EDA: variants seen among roughly 807,000 people sequenced by gnomAD.
EDA encodes ectodysplasin-A.
A neutral mutation model predicts 23.6 loss-of-function variants in EDA; 2 were observed. The observed-to-expected ratio is 0.08, with a 90% CI of 0.03 to 0.27. The LOEUF is 0.27. EDA is among the 10% of genes least tolerant of loss of function. The pLI is 1.00. For missense variants in EDA, 229 were observed against 324.2 expected, an observed-to-expected ratio of 0.71 and a Z score of 2.26; for synonymous variants, 131 against 132.0, an observed-to-expected ratio of 0.99 and a Z score of 0.05.
chrX:69,844,691 A>G (rs892216131), intron 1 of EDA, among the ~76,000 whole-genome samples: 2 of 112,672 alleles, frequency 1.8e-5, no homozygotes, highest in Middle Eastern at 9.1e-3. Flanking sequence ...TTCTCTCTGC[A>G]GACATTTGTT....
chrX:69,701,672 G>A (rs1480251924), intron 1 of EDA, among the ~76,000 whole-genome samples: 5 of 111,566 alleles, frequency 4.5e-5, no homozygotes, highest in African/African-American at 6.5e-5. Context: ...GGGCTGGCTG[G>A]GTCTAGGTTG....
intron 1 of EDA, among the ~76,000 whole-genome samples, chrX:69,926,622 A>T (rs752366237): frequency 8.9e-6 from 1 of 112,169 alleles, no homozygotes; most frequent in African/African-American, 3.2e-5. Flanking sequence ...ACTGAGAAGA[A>T]TGTATATTTT....
chrX:69,715,130 T>C (rs2012274182), intron 1 of EDA, among the ~76,000 whole-genome samples: 1 of 106,968 alleles, frequency 9.3e-6, no homozygotes, highest in Non-Finnish European at 1.9e-5. Flanking sequence ...TGTGCAGGTT[T>C]GTTATACAGG....
At chrX:69,873,654 T>C (rs1401442281) in intron 1 of EDA, among the ~76,000 whole-genome samples, 1 of 111,991 alleles carries the variant, frequency 8.9e-6, no homozygotes, top group Non-Finnish European at 1.9e-5. Context: ...AGGAGATGGA[T>C]AAATTCTAAG....
chrX:69,860,227 T>C (rs1156785342), intron 1 of EDA, among the ~76,000 whole-genome samples: 1 of 111,463 alleles, frequency 9.0e-6, no homozygotes, highest in Non-Finnish European at 1.9e-5. Flanking sequence ...CTCATTTACA[T>C]TTAAGATTAG....
At chrX:69,952,683 CT>C (rs759054237) in intron 1 of EDA, among the ~76,000 whole-genome samples, 1 of 112,334 alleles carries the variant, frequency 8.9e-6, no homozygotes, top group East Asian at 2.8e-4. Context: ...TTGAACTACT[CT>C]TACTACTCAT....
intron 1 of EDA, among the ~76,000 whole-genome samples, chrX:69,740,060 C>G (rs2013402867): frequency 9.0e-6 from 1 of 111,081 alleles, no homozygotes; most frequent in Non-Finnish European, 1.9e-5. Flanking sequence ...ACAGCTTGTT[C>G]TCACCCACCT....
intron 2 of EDA, among the ~76,000 whole-genome samples, chrX:69,960,206 A>G (rs1278495384): frequency 9.0e-6 from 1 of 111,414 alleles, no homozygotes; most frequent in Non-Finnish European, 1.9e-5. Context: ...CAGGCAAGAG[A>G]TGATGGTGGC....
rs184584192 is a variant in EDA at position 69,959,034 on chromosome X, T to C, written c.502+1902T>C. ...CTCCGAAGTTTTCTCTTAAAGAAAA[T>C]AATTTCCTCCTTTCCCTAAAACTAC... On this transcript the variant is annotated intron_variant, in intron 2 of 7. Coordinates refer to ENST00000374552, the MANE Select transcript of EDA (RefSeq NM_001399.5). 1.1e-4 allele frequency among the ~76,000 whole-genome samples: 12 copies of C among 111,819 alleles called. No individual in the cohort carries two copies. The East Asian group carries it at 3.4e-3, about 32-fold the overall frequency.
chrX:69,918,422 G>T (rs1251227493), intron 1 of EDA, among the ~76,000 whole-genome samples: 3 of 111,611 alleles, frequency 2.7e-5, no homozygotes, highest in Non-Finnish European at 5.6e-5. Context: ...CTCCCAAAGT[G>T]CTGGGATTAC....
intron 1 of EDA, among the ~76,000 whole-genome samples, chrX:69,779,710 T>C (rs1413126596): frequency 8.9e-6 from 1 of 111,853 alleles, no homozygotes; most frequent in Non-Finnish European, 1.9e-5. Context: ...ATGATTAATT[T>C]CATCTTATGT....
intron 1 of EDA, chrX:69,937,926 A>G: frequency 8.3e-7 from 1 of 1,203,855 alleles, no homozygotes; most frequent in South Asian, 1.8e-5. Context: ...ATATTTTCGG[A>G]TAACTTGATG....
At chrX:69,916,288 TTTA>T (rs1200728664) in intron 1 of EDA, among the ~76,000 whole-genome samples, 1 of 111,512 alleles carries the variant, frequency 9.0e-6, no homozygotes, top group Non-Finnish European at 1.9e-5. Context: ...AAGTAAAACA[TTTA>T]TTATAAAGTA....
chrX:69,625,689 T>A (rs1437237157), intron 1 of EDA, among the ~76,000 whole-genome samples: 1 of 110,860 alleles, frequency 9.0e-6, no homozygotes, highest in East Asian at 2.8e-4. Context: ...TCAAAATGGA[T>A]CATAGGCTTA....
intron 1 of EDA, among the ~76,000 whole-genome samples, chrX:69,794,937 C>A (rs759418263): frequency 1.8e-5 from 2 of 111,845 alleles, no homozygotes; most frequent in Non-Finnish European, 3.8e-5. Flanking sequence ...GTTGAGTATG[C>A]AAATGAATTT....
chrX:69,880,699 T>A lies in EDA; in HGVS notation c.397-76328T>A, dbSNP rs190702248. ...CTCACATTGGGCAGAAATAGCTATA[T>A]TAGCATGGATCATAGTTACTGGGCT... On this transcript the variant is annotated intron_variant, in intron 1 of 7. Coordinates refer to ENST00000374552, the MANE Select transcript of EDA (RefSeq NM_001399.5). 3.6e-5 allele frequency among the ~76,000 whole-genome samples: 4 copies of A among 112,366 alleles called. No homozygotes were observed. The East Asian group carries it at 1.1e-3, about 32-fold the overall frequency.
intron 1 of EDA, among the ~76,000 whole-genome samples, chrX:69,922,202 A>G (rs2018445922): frequency 8.9e-6 from 1 of 112,238 alleles, no homozygotes; most frequent in Non-Finnish European, 1.9e-5. Flanking sequence ...TTATTCATTC[A>G]CCTATTAAGT....
intron 1 of EDA, among the ~76,000 whole-genome samples, chrX:69,673,744 T>C (rs1933986788): frequency 9.0e-6 from 1 of 111,404 alleles, no homozygotes; most frequent in East Asian, 2.8e-4. Context: ...TTGCCTTAGG[T>C]GGAGGATGGG....
intron 1 of EDA, among the ~76,000 whole-genome samples, chrX:69,788,991 G>A (rs1043092652): frequency 8.9e-6 from 1 of 112,578 alleles, no homozygotes; most frequent in African/African-American, 3.2e-5. Flanking sequence ...ATATAATCTC[G>A]TGGTGCCCCG....
Sources: gnomAD v4.1 joint callset for allele counts (sites outside exome capture counted in the v4.1 genomes callset) on GRCh38, gnomAD v4.1.1 for gene constraint, MANE v1.5 for transcripts, NCBI Gene and HGNC (gene_info 2026-07-23, HGNC 2026-07-21) for gene names.